Variants in PCSK5 observed in about 807,000 individuals in gnomAD.
PCSK5 encodes the protein proprotein convertase subtilisin/kexin type 5.
PCSK5 carries 129 observed loss-of-function variants against 233.2 expected under a neutral mutation model. The observed-to-expected ratio is 0.55, with a 90% CI of 0.48 to 0.64. The LOEUF (loss-of-function observed/expected upper bound fraction) is 0.64. Ranked by LOEUF, PCSK5 falls within the 30% of genes least tolerant of loss-of-function variation. The pLI, the probability that PCSK5 is intolerant of heterozygous loss-of-function variation, is 0.00. For synonymous variants in PCSK5, 825 were observed against 879.2 expected, an observed-to-expected ratio of 0.94 and a Z score of 1.09; for missense variants, 2,076 against 2,430.1, an observed-to-expected ratio of 0.85 and a Z score of 3.06.
chr9:75,966,964 CT>C (rs535949867), intron 2 of PCSK5, among the ~76,000 whole-genome samples: 16 of 152,082 alleles, frequency 1.1e-4, no homozygotes, highest in Non-Finnish European at 2.4e-4. Flanking sequence ...GCTTTTGGTC[CT>C]CTTGATCTGG....
intron 7 of PCSK5, among the ~76,000 whole-genome samples, chr9:76,089,724 G>A (rs1831208108): frequency 6.6e-6 from 1 of 152,036 alleles, no homozygotes; most frequent in African/African-American, 2.4e-5. Context: ...AAACCTAACT[G>A]CACTGACTAA....
intron 2 of PCSK5, among the ~76,000 whole-genome samples, chr9:75,962,704 C>T (rs1383526228): frequency 6.6e-6 from 1 of 152,162 alleles, no homozygotes; most frequent in East Asian, 1.9e-4. Context: ...TTGTGATGGG[C>T]ACACATAATT....
intron 1 of PCSK5, among the ~76,000 whole-genome samples, 187 bp downstream of exon 1, chr9:75,891,560 CA>C (rs1825604365): frequency 8.6e-5 from 13 of 151,356 alleles, no homozygotes; most frequent in East Asian, 3.9e-4. Context: ...CACACACACA[CA>C]CACCCCAGAG....
At chr9:76,006,740 C>T (rs540347726) in intron 3 of PCSK5, among the ~76,000 whole-genome samples, 38 of 152,288 alleles carry the variant, frequency 2.5e-4, no homozygotes, top group African/African-American at 8.4e-4. Context: ...CAAAACACAT[C>T]GGCTAGATTA....
At chr9:76,183,300 GT>G (rs1381988408) in intron 16 of PCSK5, among the ~76,000 whole-genome samples, 1 of 152,112 alleles carries the variant, frequency 6.6e-6, no homozygotes, top group African/African-American at 2.4e-5. Flanking sequence ...GATCCAAGTG[GT>G]TTGTATATCT....
chr9:76,135,590 T>C (rs1174334617), intron 10 of PCSK5, among the ~76,000 whole-genome samples: 2 of 152,132 alleles, frequency 1.3e-5, no homozygotes, highest in East Asian at 3.9e-4. Flanking sequence ...TGTAATTGTA[T>C]GGGAGACATC....
chr9:76,204,830 C>CAA (rs1332558551), intron 20 of PCSK5, among the ~76,000 whole-genome samples: 2 of 152,154 alleles, frequency 1.3e-5, no homozygotes, highest in Admixed American at 1.3e-4. Context: ...GTTGGTGCTT[C>CAA]TTTTGGTTTG....
chr9:76,132,890 C>G (rs1225762557), intron 9 of PCSK5, among the ~76,000 whole-genome samples: 1 of 152,000 alleles, frequency 6.6e-6, no homozygotes, highest in Non-Finnish European at 1.5e-5. Flanking sequence ...CCCTAAAAAA[C>G]ATAGATGTGG....
intron 1 of PCSK5, among the ~76,000 whole-genome samples, chr9:75,927,400 T>A (rs1823541980): frequency 6.6e-6 from 1 of 151,558 alleles, no homozygotes; most frequent in African/African-American, 2.4e-5. Context: ...AACTGACAGG[T>A]TCCTCAAGGT....
chr9:76,202,092 T>C (rs905222097), intron 20 of PCSK5, among the ~76,000 whole-genome samples: 2 of 152,060 alleles, frequency 1.3e-5, no homozygotes, highest in Admixed American at 1.3e-4. Context: ...GAATATAATG[T>C]TTAATTGTTC....
Position 76,354,266 on chromosome 9 carries a change from A to T in PCSK5, c.5254+47A>T, listed in dbSNP as rs1366021378. The T allele has an allele frequency of 3.5e-6, 5 of 1,448,220 alleles. No individual in the cohort carries two copies. The African/African-American group carries it at 4.2e-5, about 12-fold the overall frequency. 89.7% of individuals were successfully genotyped at this position (1,448,220 alleles called of 1,614,324 possible). ...CCTGCAGAGGAAGGGCATGTCCTCA[A>T]GAAGCCAATGGGAGCAGAGGGAGGG... On this transcript the variant is annotated intron_variant, in intron 37 of 37. Transcript: ENST00000674117.
chr9:76,044,689 G>A (rs1368811138), intron 5 of PCSK5, among the ~76,000 whole-genome samples: 1 of 152,202 alleles, frequency 6.6e-6, no homozygotes, highest in Non-Finnish European at 1.5e-5. Context: ...TAATAGCCTA[G>A]TAAGAGAGCT....
rs778356129 is a variant in PCSK5 at position 76,189,109 on chromosome 9, G to A, written c.2396G>A (p.Gly799Glu). The change falls in exon 19 of 38, where the codon GGG becomes GAG. Residue 799 changes from glycine to glutamate, a missense_variant. By Grantham distance (98) the Gly-to-Glu change is moderately conservative. Coordinates refer to ENST00000674117, the MANE Select transcript of PCSK5 (RefSeq NM_001372043.1). ...CATCAGAGAD[G>E]CINCTEGYFM... The stretch of plus-strand genomic sequence containing the variant: ...TGCTTTTAAGGGGCAGGAGCTGATG[G>A]GTGCATTAACTGCACAGAGGGCTAC... 2 of 1,613,262 alleles carry A rather than the reference G, an allele frequency of 1.2e-6. No homozygotes were observed. Among genetic ancestry groups the A allele is most frequent in the Admixed American group, 3.3e-5 (2 of 60,002 alleles).
intron 34 of PCSK5, among the ~76,000 whole-genome samples, chr9:76,335,355 T>C (rs1829649244): frequency 1.3e-5 from 2 of 152,130 alleles, no homozygotes; most frequent in Admixed American, 6.6e-5. Context: ...AAAGAAGAAA[T>C]GGAATATTCA....
intron 21 of PCSK5, among the ~76,000 whole-genome samples, chr9:76,228,294 GT>G (rs1278379142): frequency 6.6e-6 from 1 of 152,036 alleles, no homozygotes. Flanking sequence ...GGGGTGAACT[GT>G]TTTTAAAGGC....
intron 24 of PCSK5, among the ~76,000 whole-genome samples, chr9:76,280,072 G>C (rs1377615001): frequency 6.6e-6 from 1 of 152,028 alleles, no homozygotes; most frequent in Admixed American, 6.6e-5. Flanking sequence ...TCCTCCAATA[G>C]CACATCCTCA....
intron 5 of PCSK5, among the ~76,000 whole-genome samples, chr9:76,054,946 AT>A (rs1252112889): frequency 6.6e-6 from 1 of 152,170 alleles, no homozygotes; most frequent in Non-Finnish European, 1.5e-5. Flanking sequence ...TCTAATGCTA[AT>A]TATCAATAGT....
At chr9:76,009,011 T>C (rs961601200) in intron 3 of PCSK5, among the ~76,000 whole-genome samples, 4 of 152,218 alleles carry the variant, frequency 2.6e-5, no homozygotes, top group Admixed American at 1.3e-4. Flanking sequence ...CTTGTTTATC[T>C]GAAATTCAAA....
At chr9:76,165,917 CACTT>C (rs1467046162) in intron 12 of PCSK5, among the ~76,000 whole-genome samples, 2 of 146,236 alleles carry the variant, frequency 1.4e-5, no homozygotes, top group Non-Finnish European at 3.1e-5. Flanking sequence ...CATGGTTCGA[CACTT>C]GATTGTCTTA....
Sources: allele counts gnomAD v4.1 joint callset (sites outside exome capture counted in the v4.1 genomes callset), GRCh38; gene constraint gnomAD v4.1.1; transcripts MANE v1.5; gene names NCBI Gene and HGNC (gene_info 2026-07-23, HGNC 2026-07-21).